C12orf75: variants seen among roughly 807,000 people sequenced by gnomAD.
The protein encoded by C12orf75 is chromosome 12 open reading frame 75.
C12orf75 carries 4 observed loss-of-function variants against 11.4 expected under a neutral mutation model. The observed-to-expected ratio is 0.35, with a 90% CI of 0.17 to 0.80. The LOEUF is 0.80. Among genes scored for constraint, C12orf75 ranks in the 30% least tolerant of loss-of-function variants. The pLI is 0.52. For missense variants in C12orf75, 89 were observed against 80.4 expected (o/e 1.11, Z -0.41); for synonymous variants, 30 against 30.0 (o/e 1.00, Z 0.00).
chr12:105,370,188 G>C (rs185328069), intron 5 of C12orf75, among the ~76,000 whole-genome samples: 10 of 152,274 alleles, frequency 6.6e-5, no homozygotes, highest in African/African-American at 1.9e-4. Flanking sequence ...GCACAGAGGG[G>C]CTTAAGTGAT....
chr12:105,349,691 C>T (rs548683701), intron 2 of C12orf75, among the ~76,000 whole-genome samples: 4 of 152,036 alleles, frequency 2.6e-5, no homozygotes, highest in African/African-American at 7.2e-5. Flanking sequence ...ACCTGGCCAA[C>T]ATGGTGAAAC....
chr12:105,333,463 C>G (rs916452792), intron 1 of C12orf75, among the ~76,000 whole-genome samples: 1 of 152,074 alleles, frequency 6.6e-6, no homozygotes, highest in African/African-American at 2.4e-5. Context: ...TAGTTACTTA[C>G]AGTGCACTAC....
At chr12:105,360,942 A>G (rs1055682984) in intron 2 of C12orf75, among the ~76,000 whole-genome samples, 6 of 151,958 alleles carry the variant, frequency 3.9e-5, no homozygotes, top group Admixed American at 3.9e-4. Flanking sequence ...TGCCCAGTTA[A>G]TTTTTGTATT....
intron 2 of C12orf75, among the ~76,000 whole-genome samples, chr12:105,362,116 G>A (rs1334362835): frequency 6.6e-6 from 1 of 152,040 alleles, no homozygotes; most frequent in Non-Finnish European, 1.5e-5. Context: ...GCCGGGCGCG[G>A]TGGCTCACGC....
At chr12:105,338,710 A>C (rs1182541524) in intron 1 of C12orf75, among the ~76,000 whole-genome samples, 2 of 151,320 alleles carry the variant, frequency 1.3e-5, no homozygotes, top group East Asian at 4.1e-4. Context: ...ATCACATGGC[A>C]AGAGTGGAAG....
chr12:105,365,057 G>A (rs549830376), intron 2 of C12orf75, among the ~76,000 whole-genome samples: 3 of 151,912 alleles, frequency 2.0e-5, no homozygotes, highest in East Asian at 1.9e-4. Context: ...AGCTGGTCTC[G>A]AACTCCTGAC....
At chr12:105,345,051 G>C (rs766103782) in intron 1 of C12orf75, among the ~76,000 whole-genome samples, 7 of 151,766 alleles carry the variant, frequency 4.6e-5, no homozygotes, top group Non-Finnish European at 1.0e-4. Flanking sequence ...GCCATGATGG[G>C]AAGTGGGGAT....
intron 1 of C12orf75, among the ~76,000 whole-genome samples, chr12:105,340,926 C>CA (rs1365737908): frequency 6.6e-5 from 10 of 152,142 alleles, no homozygotes; most frequent in Non-Finnish European, 1.2e-4. Context: ...CCAGGAGAGG[C>CA]ATGGAATGGG....
At chr12:105,335,473 CCTT>C (rs1892489176) in intron 1 of C12orf75, among the ~76,000 whole-genome samples, 1 of 152,152 alleles carries the variant, frequency 6.6e-6, no homozygotes, top group African/African-American at 2.4e-5. Flanking sequence ...TATGTACCAT[CCTT>C]CTTTCTATTC....
chr12:105,369,489 C>T (rs184563656), intron 5 of C12orf75, among the ~76,000 whole-genome samples: 13 of 152,102 alleles, frequency 8.5e-5, no homozygotes, highest in Admixed American at 1.3e-4. Context: ...ATGTGCTGAA[C>T]GTGCAGGCTT....
At position 105,351,391 on chromosome 12, in the gene C12orf75, A is replaced by G. The variant is rs139484658; in HGVS notation, c.71+2765A>G. Among the ~76,000 whole-genome samples the G allele has an allele frequency of 2.6e-3, 400 of 152,354 alleles. 6 individuals are homozygous for G. Among genetic ancestry groups the G allele is most frequent in the African/African-American group, 8.9e-3 (372 of 41,582 alleles). On this transcript the variant is annotated intron_variant, in intron 2 of 5. Coordinates refer to ENST00000443585, the MANE Select transcript of C12orf75 (RefSeq NM_001145199.2). ...AAAATGGTTGTTATTTTTGGAAGCC[A>G]GAAATACTATATATTTAAAAAATCA...
chr12:105,358,614 A>G (rs911002359), intron 2 of C12orf75, among the ~76,000 whole-genome samples: 1 of 152,204 alleles, frequency 6.6e-6, no homozygotes, highest in African/African-American at 2.4e-5. Context: ...TCAGTCTTAC[A>G]TTTTTTCAAA....
intron 2 of C12orf75, among the ~76,000 whole-genome samples, chr12:105,357,386 C>A (rs977369528): frequency 9.9e-5 from 15 of 152,040 alleles, no homozygotes; most frequent in Admixed American, 9.8e-4. Flanking sequence ...CTTTCTTTTT[C>A]TTGCATGCCG....
In C12orf75 at chr12:105,362,384, CAAAAAAAA is replaced by C. The variant is rs35725967; in HGVS notation, c.72-3405_72-3398del. Among the ~76,000 whole-genome samples the C allele has an allele frequency of 8.5e-4, 16 of 18,746 alleles. No homozygotes were observed. The East Asian group carries it at 0.021, about 24-fold the overall frequency. The allele number at this position is 18,746 out of a possible 152,430, so 12.3% of individuals were successfully genotyped here. A position where few individuals can be genotyped will look rare whatever the true frequency, so the allele number is the denominator to read the frequency against. On this transcript the variant is annotated intron_variant, in intron 2 of 5. Transcript: ENST00000443585. Reference sequence around the variant, plus strand: ...TGGGCGACAGAGCGAGACTCCGTCTCAAAAAAAAAAAAAAAAAAAAAAAAATTTGGAGA... The same window carrying C: ...TGGGCGACAGAGCGAGACTCCGTCTCAAAAAAAAAAAAAAAAATTTGGAGA...
chr12:105,354,685 G>C (rs1391288484), intron 2 of C12orf75, among the ~76,000 whole-genome samples: 3 of 149,528 alleles, frequency 2.0e-5, no homozygotes, highest in Non-Finnish European at 4.5e-5. Context: ...GCTGTGGTTA[G>C]AAATCATATA....
At chr12:105,357,801 TGTGTGTGA>T (rs1246977497) in intron 2 of C12orf75, among the ~76,000 whole-genome samples, 20 of 146,172 alleles carry the variant, frequency 1.4e-4, no homozygotes, top group African/African-American at 4.9e-4. Context: ...TGTGTGTGTG[TGTGTGTGA>T]GAGAGAGAGA....
chr12:105,357,708 T>C (rs886135686), intron 2 of C12orf75, among the ~76,000 whole-genome samples: 1 of 152,016 alleles, frequency 6.6e-6, no homozygotes, highest in African/African-American at 2.4e-5. Context: ...ACCTGTTCTT[T>C]GATAAAAGAA....
chr12:105,353,795 G>C (rs1892743969), intron 2 of C12orf75, among the ~76,000 whole-genome samples: 1 of 152,134 alleles, frequency 6.6e-6, no homozygotes, highest in African/African-American at 2.4e-5. Context: ...GCTACTCAAT[G>C]TAAACAATGT....
intron 2 of C12orf75, chr12:105,353,509 A>G (rs1403008508): frequency 6.6e-6 from 1 of 152,072 alleles, no homozygotes; most frequent in African/African-American, 2.4e-5. Flanking sequence ...CCACCTTACC[A>G]TATGGCCAAA....
Sources: gnomAD v4.1 joint callset for allele counts (sites outside exome capture counted in the v4.1 genomes callset) on GRCh38, gnomAD v4.1.1 for gene constraint, MANE v1.5 for transcripts, NCBI Gene and HGNC (gene_info 2026-07-23, HGNC 2026-07-21) for gene names.